Variants in ROBO1 observed in about 807,000 individuals in gnomAD.
ROBO1 encodes the protein roundabout guidance receptor 1.
A neutral mutation model predicts 195.9 loss-of-function variants in ROBO1; 149 were observed. The ratio of observed to expected loss-of-function variants is 0.76; its 90% CI spans 0.67 to 0.87. ROBO1 has a LOEUF of 0.87. Ranked by LOEUF, ROBO1 falls within the 40% of genes least tolerant of loss-of-function variation. ROBO1 has a pLI of 0.00. For synonymous variants in ROBO1, 816 were observed against 733.2 expected, an observed-to-expected ratio of 1.11 and a Z score of -1.82; for missense variants, 1,933 against 2,068.3, an observed-to-expected ratio of 0.93 and a Z score of 1.27.
chr3:79,041,288 T>C (rs917902153), intron 3 of ROBO1, among the ~76,000 whole-genome samples: 3 of 152,200 alleles, frequency 2.0e-5, no homozygotes, highest in Non-Finnish European at 2.9e-5. Flanking sequence ...GTTTCTTTCA[T>C]TTGTAAAGTG....
At chr3:78,861,267 T>C (rs2034819355) in intron 4 of ROBO1, among the ~76,000 whole-genome samples, 1 of 152,154 alleles carries the variant, frequency 6.6e-6, no homozygotes, top group South Asian at 2.1e-4. Context: ...ATATCTTGAC[T>C]CTACATTTAC....
intron 2 of ROBO1, among the ~76,000 whole-genome samples, chr3:79,334,101 T>A (rs2034558209): frequency 6.6e-6 from 1 of 151,368 alleles, no homozygotes; most frequent in Non-Finnish European, 1.5e-5. Context: ...AGGTTAGGAG[T>A]TGGAGACCAG....
At chr3:79,444,630 A>T (rs2039175654) in intron 2 of ROBO1, among the ~76,000 whole-genome samples, 2 of 152,144 alleles carry the variant, frequency 1.3e-5, no homozygotes, top group African/African-American at 4.8e-5. Context: ...AGTCTCTTGG[A>T]CTTGAGCACC....
intron 1 of ROBO1, among the ~76,000 whole-genome samples, chr3:79,645,121 A>G (rs1945780381): frequency 6.6e-6 from 1 of 152,126 alleles, no homozygotes; most frequent in South Asian, 2.1e-4. Context: ...AAAGACTTCA[A>G]ATGAACAACC....
chr3:79,316,386 A>T (rs764320890), intron 2 of ROBO1, among the ~76,000 whole-genome samples: 4 of 152,210 alleles, frequency 2.6e-5, no homozygotes, highest in Non-Finnish European at 5.9e-5. Flanking sequence ...GTTGAAGCAT[A>T]TATTTAATGG....
intron 3 of ROBO1, among the ~76,000 whole-genome samples, chr3:79,079,886 T>G (rs1296359024): frequency 1.3e-5 from 2 of 151,856 alleles, no homozygotes; most frequent in Non-Finnish European, 2.9e-5. Context: ...TGGTCAGAAC[T>G]GTACATCAGA....
intron 4 of ROBO1, among the ~76,000 whole-genome samples, chr3:78,893,843 T>C (rs941201342): frequency 8.5e-5 from 13 of 152,162 alleles, no homozygotes; most frequent in African/African-American, 3.1e-4. Context: ...TAGAAACTTC[T>C]CTCTTTTGAA....
intron 2 of ROBO1, among the ~76,000 whole-genome samples, chr3:79,292,069 T>C (rs1408007795): frequency 6.6e-6 from 1 of 152,208 alleles, no homozygotes. Context: ...TATATCCTAC[T>C]GTCTTGAAAG....
chr3:78,935,370 G>A (rs1413880802), intron 4 of ROBO1, among the ~76,000 whole-genome samples: 1 of 152,002 alleles, frequency 6.6e-6, no homozygotes, highest in Non-Finnish European at 1.5e-5. Context: ...AGATGATGTA[G>A]AGAGCCATGT....
chr3:79,544,259 A>C (rs1942182193), intron 2 of ROBO1, among the ~76,000 whole-genome samples: 1 of 151,738 alleles, frequency 6.6e-6, no homozygotes, highest in Admixed American at 6.6e-5. Context: ...TAATATATAT[A>C]TTTTCTAGGA....
chr3:79,252,352 TAAG>T (rs1198297395), intron 2 of ROBO1, among the ~76,000 whole-genome samples: 2 of 152,066 alleles, frequency 1.3e-5, no homozygotes, highest in African/African-American at 4.8e-5. Context: ...GGTGTCCTTC[TAAG>T]AAGGGGAAAA....
chr3:79,639,543 C>T (rs745958792), intron 1 of ROBO1, among the ~76,000 whole-genome samples: 3 of 152,060 alleles, frequency 2.0e-5, no homozygotes, highest in Non-Finnish European at 2.9e-5. Context: ...ATTTGCACTA[C>T]CAGGGAAAAT....
chr3:78,828,794 T>A (rs954644808), intron 4 of ROBO1, among the ~76,000 whole-genome samples: 2 of 152,234 alleles, frequency 1.3e-5, no homozygotes, highest in African/African-American at 4.8e-5. Flanking sequence ...GTGTCTCCTG[T>A]TCTTTCCATG....
chr3:79,311,715 A>T (rs1469434451), intron 2 of ROBO1, among the ~76,000 whole-genome samples: 2 of 152,154 alleles, frequency 1.3e-5, no homozygotes, highest in Non-Finnish European at 2.9e-5. Context: ...TGTATTGTGT[A>T]TTTGCTAGAT....
intron 4 of ROBO1, among the ~76,000 whole-genome samples, chr3:78,916,265 A>C (rs1414490149): frequency 1.4e-5 from 2 of 142,606 alleles, no homozygotes; most frequent in Non-Finnish European, 3.0e-5. Context: ...AAAAAAAACA[A>C]CTTTATTCTT....
intron 4 of ROBO1, among the ~76,000 whole-genome samples, chr3:78,761,622 C>A (rs333487): frequency 0.96 from 146,604 of 152,254 alleles, 70,832 homozygotes; most frequent in East Asian, 1. Context: ...CTTACATGTA[C>A]TACAAGTTTC....
At chr3:78,675,695 C>T (rs1708376974) in intron 10 of ROBO1, among the ~76,000 whole-genome samples, 2 of 152,132 alleles carry the variant, frequency 1.3e-5, no homozygotes, top group Non-Finnish European at 2.9e-5. Context: ...TGGAGCCCAC[C>T]ACAGCTCAAG....
chr3:78,615,002 T>C (rs190542426), intron 27 of ROBO1, among the ~76,000 whole-genome samples: 7 of 152,296 alleles, frequency 4.6e-5, no homozygotes, highest in Non-Finnish European at 1.0e-4. Flanking sequence ...CCCAAAAGCA[T>C]TTTCTGCTTA....
At chr3:79,757,604 C>T (rs552978798) in intron 1 of ROBO1, among the ~76,000 whole-genome samples, 7 of 151,780 alleles carry the variant, frequency 4.6e-5, no homozygotes, top group African/African-American at 1.2e-4. Context: ...ACTTGAGCCC[C>T]GGAGTTCAAG....
Sources: gnomAD v4.1 joint callset for allele counts (sites outside exome capture counted in the v4.1 genomes callset) on GRCh38, gnomAD v4.1.1 for gene constraint, MANE v1.5 for transcripts, NCBI Gene and HGNC (gene_info 2026-07-23, HGNC 2026-07-21) for gene names.